The following TRPC7 variants were observed in gnomAD, a reference collection of about 807,000 sequenced individuals.
TRPC7 encodes the protein transient receptor potential cation channel subfamily C member 7.
Under a neutral mutation model 90.1 loss-of-function variants are expected in TRPC7, and 42 were observed. That is an observed-to-expected ratio of 0.47 (90% CI 0.36 to 0.60). TRPC7 has a LOEUF of 0.60. Among genes scored for constraint, TRPC7 ranks in the 20% least tolerant of loss-of-function variants. The pLI is 0.00. For synonymous variants in TRPC7, 451 were observed against 436.3 expected (o/e 1.03, Z -0.42); for missense variants, 955 against 1,112.3 (o/e 0.86, Z 2.01).
intron 5 of TRPC7, among the ~76,000 whole-genome samples, chr5:136,265,997 GT>G (rs746097710): frequency 1.3e-5 from 2 of 152,156 alleles, no homozygotes; most frequent in East Asian, 3.9e-4. Flanking sequence ...AAAAATTTCT[GT>G]CCCCCGCCGC....
At chr5:136,332,183 C>CG (rs11377694) in intron 2 of TRPC7, among the ~76,000 whole-genome samples, 60,702 of 151,770 alleles carry the variant, frequency 0.4, 12,352 homozygotes, top group Middle Eastern at 0.51. Flanking sequence ...AGAGGGTCCC[C>CG]GTGCTAAGAG....
chr5:136,311,364 A>G (rs1329671272), intron 3 of TRPC7, among the ~76,000 whole-genome samples: 2 of 152,192 alleles, frequency 1.3e-5, no homozygotes, highest in Middle Eastern at 3.2e-3. Context: ...TAGAGTGCCA[A>G]CAACTCTGTC....
chr5:136,239,638 A>C (rs1043704896), intron 7 of TRPC7, among the ~76,000 whole-genome samples: 1 of 152,176 alleles, frequency 6.6e-6, no homozygotes, highest in African/African-American at 2.4e-5. Context: ...TCCCCTTTGC[A>C]GCCATAGCCT....
chr5:136,339,926 A>T (rs922167014), intron 2 of TRPC7, among the ~76,000 whole-genome samples: 37 of 152,064 alleles, frequency 2.4e-4, no homozygotes, highest in African/African-American at 8.9e-4. Context: ...GGAATTAAAA[A>T]TAAAGCCATA....
intron 3 of TRPC7, among the ~76,000 whole-genome samples, chr5:136,310,811 G>T (rs1758802445): frequency 1.3e-5 from 2 of 151,970 alleles, no homozygotes; most frequent in South Asian, 2.1e-4. Flanking sequence ...TCACTAGACT[G>T]GTAACTCTTT....
chr5:136,338,151 G>GA (rs543451920), intron 2 of TRPC7, among the ~76,000 whole-genome samples: 113 of 152,122 alleles, frequency 7.4e-4, no homozygotes, highest in African/African-American at 2.7e-3. Flanking sequence ...CTCTGGAGCT[G>GA]AAAAAAACAG....
chr5:136,283,676 C>A (rs1757618178), intron 3 of TRPC7, among the ~76,000 whole-genome samples: 1 of 152,202 alleles, frequency 6.6e-6, no homozygotes, highest in Non-Finnish European at 1.5e-5. Flanking sequence ...GGTCTGAGGA[C>A]CACCTCATAC....
chr5:136,240,609 T>C (rs1258072565), intron 7 of TRPC7, among the ~76,000 whole-genome samples: 2 of 152,168 alleles, frequency 1.3e-5, no homozygotes, highest in African/African-American at 4.8e-5. Context: ...TTTACTACTA[T>C]AGGAGAGCAA....
intron 2 of TRPC7, among the ~76,000 whole-genome samples, chr5:136,347,003 A>T (rs1760027735): frequency 6.6e-6 from 1 of 152,174 alleles, no homozygotes; most frequent in East Asian, 1.9e-4. Flanking sequence ...ACATAGAAAC[A>T]CACAGCAAGA....
chr5:136,343,839 T>C (rs1428386679), intron 2 of TRPC7, among the ~76,000 whole-genome samples: 1 of 152,192 alleles, frequency 6.6e-6, no homozygotes, highest in African/African-American at 2.4e-5. Flanking sequence ...GGAACTAGTA[T>C]TTAGAATACA....
At chr5:136,318,861 C>T (rs1305140569) in intron 2 of TRPC7, among the ~76,000 whole-genome samples, 1 of 151,930 alleles carries the variant, frequency 6.6e-6, no homozygotes, top group Non-Finnish European at 1.5e-5. Flanking sequence ...TTTTACCCAC[C>T]TTATGTCACT....
intron 2 of TRPC7, among the ~76,000 whole-genome samples, chr5:136,317,639 C>T (rs770099614): frequency 1.2e-4 from 18 of 152,152 alleles, no homozygotes; most frequent in African/African-American, 1.7e-4. Context: ...GCCCCAACCC[C>T]GTAACTTTAT....
At chr5:136,296,043 AC>A (rs750284956) in intron 3 of TRPC7, among the ~76,000 whole-genome samples, 5 of 152,168 alleles carry the variant, frequency 3.3e-5, no homozygotes, top group Admixed American at 6.5e-5. Flanking sequence ...TCTATATCAC[AC>A]AAGAATCATA....
chr5:136,225,942 G>T (rs765788703), intron 9 of TRPC7, 92 bp downstream of exon 9: 48 of 1,064,126 alleles, frequency 4.5e-5, no homozygotes, highest in Admixed American at 1.1e-4. Flanking sequence ...TGCATGGGGT[G>T]GGGGAGGGCA....
At chr5:136,283,929 G>T (rs1499769) in intron 3 of TRPC7, among the ~76,000 whole-genome samples, 18,385 of 152,138 alleles carry the variant, frequency 0.12, 1,163 homozygotes, top group African/African-American at 0.14. Context: ...CACATGTAGA[G>T]TGCACAGAGC....
intron 5 of TRPC7, among the ~76,000 whole-genome samples, chr5:136,254,744 C>T (rs889744947): frequency 7.9e-5 from 12 of 152,066 alleles, no homozygotes; most frequent in African/African-American, 2.4e-4. Context: ...TTAAAAAATA[C>T]GTATCATAAG....
intron 11 of TRPC7, chr5:136,214,356 T>C (rs1247386717): frequency 2.0e-5 from 3 of 152,286 alleles, no homozygotes; most frequent in African/African-American, 7.2e-5. Flanking sequence ...TTCCTAATAC[T>C]GTAGATACTG....
chr5:136,272,933 A>G (rs1018788905), intron 4 of TRPC7, among the ~76,000 whole-genome samples: 2 of 152,166 alleles, frequency 1.3e-5, no homozygotes, highest in Non-Finnish European at 2.9e-5. Flanking sequence ...ATGTACCAAG[A>G]TTCCTCTCAG....
intron 3 of TRPC7, among the ~76,000 whole-genome samples, chr5:136,297,178 C>G (rs1442678228): frequency 6.6e-6 from 1 of 152,178 alleles, no homozygotes; most frequent in African/African-American, 2.4e-5. Flanking sequence ...ACCATTTTCA[C>G]CTGAATTAGT....
Sources: gnomAD v4.1 joint callset for allele counts (sites outside exome capture counted in the v4.1 genomes callset) on GRCh38, gnomAD v4.1.1 for gene constraint, MANE v1.5 for transcripts, NCBI Gene and HGNC (gene_info 2026-07-23, HGNC 2026-07-21) for gene names.